TAFAZZIN: variants seen among roughly 807,000 people sequenced by gnomAD.
The protein encoded by TAFAZZIN is tafazzin, phospholipid-lysophospholipid transacylase.
Under a neutral mutation model 27.3 loss-of-function variants are expected in TAFAZZIN, and 6 were observed. The observed-to-expected ratio is 0.22, with a 90% CI of 0.12 to 0.43. TAFAZZIN has a LOEUF of 0.43. Ranked by LOEUF, TAFAZZIN falls within the 20% of genes least tolerant of loss-of-function variation. TAFAZZIN has a pLI of 1.00. For missense variants in TAFAZZIN, 127 were observed against 244.5 expected (o/e 0.52, Z 3.21); for synonymous variants, 79 against 96.2 (o/e 0.82, Z 1.04).
chrX:154,411,573 C>G lies in TAFAZZIN; in HGVS notation c.-271C>G, dbSNP rs888099490. 1 of 400,127 alleles carries G rather than the reference C, an allele frequency of 2.5e-6. No individual in the cohort carries two copies. Among genetic ancestry groups the G allele is most frequent in the Non-Finnish European group, 4.5e-6 (1 of 220,280 alleles). 33.0% of individuals were successfully genotyped at this position (400,127 alleles called of 1,213,427 possible). Reference sequence around the variant, plus strand: ...CGGTTGCACCGGGCCGGGGTGCCAGCGCCCGCCTTCCCGTTTCCTCCCGTT... The same window carrying G: ...CGGTTGCACCGGGCCGGGGTGCCAGGGCCCGCCTTCCCGTTTCCTCCCGTT... On this transcript the variant is annotated 5_prime_UTR_variant, in exon 1 of 11. Transcript: ENST00000601016.
intron 9 of TAFAZZIN, 120 bp from the exon 10 acceptor site, chrX:154,420,537 TG>T: frequency 1.2e-6 from 1 of 835,619 alleles, no homozygotes; most frequent in Non-Finnish European, 1.8e-6. Context: ...AGAGGAAGAG[TG>T]GCCCCTGGGG....
chrX:154,413,458 CTA>C, intron 3 of TAFAZZIN, 22 bp from the exon 4 acceptor site: 1 of 1,209,712 alleles, frequency 8.3e-7, no homozygotes, highest in South Asian at 1.8e-5. Context: ...GGGGGCAGGA[CTA>C]ATTGCATCTG....
chrX:154,420,516 G>C (rs2068599026), intron 9 of TAFAZZIN, 142 bp from the exon 10 acceptor site: 1 of 760,424 alleles, frequency 1.3e-6, no homozygotes, highest in Non-Finnish European at 2.0e-6. Context: ...CCAGGACCAG[G>C]ACCTTGTTTT....
rs2068448270 is a variant in TAFAZZIN at position 154,415,163 on chromosome X, G to A, written c.460+973G>A. On this transcript the variant is annotated intron_variant, in intron 5 of 10. Transcript: ENST00000601016. ...GGCTGGAGTGCCGTGGCGTGATGAT[G>A]GCTCACTGCAGCTTCTGTTTCCTGG... Among the ~76,000 whole-genome samples the A allele has an allele frequency of 2.7e-5, 3 of 109,447 alleles. No individual in the cohort carries two copies. The Admixed American group carries it at 2.9e-4, about 11-fold the overall frequency.
chrX:154,413,632 C>T (rs892978571), intron 4 of TAFAZZIN, 65 bp downstream of exon 4: 52 of 1,137,146 alleles, frequency 4.6e-5, no homozygotes, highest in Non-Finnish European at 6.2e-5. Flanking sequence ...TGGCCAGTGT[C>T]TCTGTTTTGG....
chrX:154,419,876 G>T, intron 7 of TAFAZZIN, 130 bp downstream of exon 7: 6 of 1,083,453 alleles, frequency 5.5e-6, no homozygotes, highest in Middle Eastern at 6.9e-4. Context: ...CCAGGAAGGG[G>T]ACAGGTGCTG....
At chrX:154,412,845 A>G in intron 2 of TAFAZZIN, 1 of 302,590 alleles carries the variant, frequency 3.3e-6, no homozygotes, top group Non-Finnish European at 6.0e-6. Flanking sequence ...CTGGGTGGAG[A>G]AAGGCCTATA....
At chrX:154,414,467 C>T (rs1006187280) in intron 5 of TAFAZZIN, among the ~76,000 whole-genome samples, 29 of 111,557 alleles carry the variant, frequency 2.6e-4, no homozygotes, top group African/African-American at 8.5e-4. Context: ...CTGAGGCCAG[C>T]GGATCACGAG....
chrX:154,412,996 T>C, intron 2 of TAFAZZIN: 1 of 485,431 alleles, frequency 2.1e-6, no homozygotes, highest in South Asian at 3.0e-5. Context: ...AGGTAGGCAG[T>C]CCAGGTGCAG....
chrX:154,419,511 G>C (rs1557193774), intron 5 of TAFAZZIN, 32 bp from the exon 6 acceptor site: 1 of 1,205,628 alleles, frequency 8.3e-7, no homozygotes, highest in Admixed American at 2.2e-5. Context: ...CCCGAGAATG[G>C]TTACTGATAG....
intron 2 of TAFAZZIN, chrX:154,412,998 C>T (rs1557191461): frequency 2.1e-6 from 1 of 486,115 alleles, no homozygotes; most frequent in Non-Finnish European, 3.6e-6. Context: ...GTAGGCAGTC[C>T]AGGTGCAGTG....
chrX:154,415,141 T>G (rs782799743), intron 5 of TAFAZZIN, among the ~76,000 whole-genome samples: 33 of 110,186 alleles, frequency 3.0e-4, no homozygotes, highest in African/African-American at 1.1e-3. Context: ...TTGTCCAGGC[T>G]GGAGTGCCGT....
chrX:154,411,994 T>G, intron 1 of TAFAZZIN, 42 bp downstream of exon 1: 1 of 1,199,103 alleles, frequency 8.3e-7, no homozygotes, highest in Non-Finnish European at 1.1e-6. Context: ...CGGGTACCCA[T>G]GCCCGGCCGG....
At chrX:154,415,880 CAAAAA>C (rs140328432) in intron 5 of TAFAZZIN, among the ~76,000 whole-genome samples, 25 of 28,101 alleles carry the variant, frequency 8.9e-4, no homozygotes, top group African/African-American at 3.1e-3. Context: ...GACCTGGTCT[CAAAAA>C]AAAAAAAAAA....
rs1251172273 is a variant in TAFAZZIN, at chrX:154,417,134, C to CA, written c.461-2395dup. The stretch of plus-strand genomic sequence containing the variant: ...TGGGCGACAGAGCGAGACTCCGTCT[C>CA]AAAAAAAAAAAAAACAAAAAATTAT... On this transcript the variant is annotated intron_variant, in intron 5 of 10. Coordinates refer to ENST00000601016, the MANE Select transcript of TAFAZZIN (RefSeq NM_000116.5). Among the ~76,000 whole-genome samples, 525 of 56,536 alleles carry CA rather than the reference C, an allele frequency of 9.3e-3. 1 individual carries two copies. Among genetic ancestry groups the CA allele is most frequent in the African/African-American group, 0.021 (324 of 15,257 alleles). 49.1% of individuals were successfully genotyped at this position (56,536 alleles called of 115,157 possible).
At chrX:154,417,066 C>T (rs781989327) in intron 5 of TAFAZZIN, among the ~76,000 whole-genome samples, 63 of 108,919 alleles carry the variant, frequency 5.8e-4, no homozygotes, top group African/African-American at 1.8e-3. Flanking sequence ...ACCCGGGAGA[C>T]GGAGCTTGCA....
intron 5 of TAFAZZIN, among the ~76,000 whole-genome samples, chrX:154,416,352 G>A (rs782183427): frequency 9.0e-6 from 1 of 110,527 alleles, no homozygotes. Context: ...GGAGAATGGC[G>A]TGAACCCGGG....
rs781809604 is a variant in TAFAZZIN, at chrX:154,411,613, C to T, written c.-231C>T. The T allele has an allele frequency of 8.8e-6, 4 of 453,222 alleles. No homozygotes were observed. Among genetic ancestry groups the T allele is most frequent in the South Asian group, 2.6e-5 (1 of 38,087 alleles). The allele number at this position is 453,222 out of a possible 1,213,427, so 37.4% of individuals were successfully genotyped here. A position where few individuals can be genotyped will look rare whatever the true frequency, so the allele number is the denominator to read the frequency against. Reference sequence around the variant, plus strand: ...TTCCTCCCGTTCCGCAGCGCGCCCACGGCCTGTGACCCCGGCGACCGCTCC... The same window carrying T: ...TTCCTCCCGTTCCGCAGCGCGCCCATGGCCTGTGACCCCGGCGACCGCTCC... On this transcript the variant is annotated 5_prime_UTR_variant, in exon 1 of 11. It adds an upstream start codon to the 5' untranslated region. Transcript: ENST00000601016.
Position 154,414,099 on chromosome X carries a change from A to C in TAFAZZIN, c.371-2A>C. Reference sequence around the variant, plus strand: ...GAATCCAGATTGCTCCTTCCTCTGCAGGAGCAGAATTTTTCCAAGCAGAGA... The same window carrying C: ...GAATCCAGATTGCTCCTTCCTCTGCCGGAGCAGAATTTTTCCAAGCAGAGA... On this transcript the variant is annotated splice_acceptor_variant, in intron 4 of 10. Transcript: ENST00000601016. LOFTEE classifies it high-confidence loss of function. The C allele has an allele frequency of 8.4e-7, 1 of 1,190,746 alleles. No homozygotes were observed. Among genetic ancestry groups the C allele is most frequent in the Non-Finnish European group, 1.1e-6 (1 of 877,008 alleles).
Sources: gnomAD v4.1 joint callset for allele counts (sites outside exome capture counted in the v4.1 genomes callset) on GRCh38, gnomAD v4.1.1 for gene constraint, MANE v1.5 for transcripts, NCBI Gene and HGNC (gene_info 2026-07-23, HGNC 2026-07-21) for gene names.